The following ROR2 variants were observed in gnomAD, a reference collection of about 807,000 sequenced individuals.
The protein encoded by ROR2 is ROR family WNT receptor 2, also known as tyrosine-protein kinase transmembrane receptor ROR2.
In ROR2, 33 loss-of-function variants were observed where a neutral mutation model predicts 74.9. The observed-to-expected ratio is 0.44, with a 90% confidence interval of 0.33 to 0.59. The LOEUF (loss-of-function observed/expected upper bound fraction) is 0.59. Ranked by LOEUF, ROR2 falls within the 20% of genes least tolerant of loss-of-function variation. The pLI is 0.02. For synonymous variants in ROR2, 586 were observed against 558.7 expected (o/e 1.05, Z -0.69); for missense variants, 1,216 against 1,313.8 (o/e 0.93, Z 1.15).
chr9:91,748,261 A>G (rs1825492752), intron 4 of ROR2, among the ~76,000 whole-genome samples: 1 of 151,352 alleles, frequency 6.6e-6, no homozygotes, highest in Non-Finnish European at 1.5e-5. Flanking sequence ...TGGGCGAAAA[A>G]GCGAGACGCT....
chr9:91,806,825 G>A (rs529789208), intron 1 of ROR2, among the ~76,000 whole-genome samples: 1 of 152,298 alleles, frequency 6.6e-6, no homozygotes, highest in South Asian at 2.1e-4. Flanking sequence ...TCCTGACCTT[G>A]TGATCCGCCC....
intron 1 of ROR2, among the ~76,000 whole-genome samples, chr9:91,857,083 C>T (rs925784156): frequency 6.6e-6 from 1 of 152,248 alleles, no homozygotes; most frequent in Non-Finnish European, 1.5e-5. Flanking sequence ...CCCATGCACA[C>T]TTATGTGCAG....
chr9:91,934,014 T>G (rs1041575929), intron 1 of ROR2, among the ~76,000 whole-genome samples: 1 of 152,250 alleles, frequency 6.6e-6, no homozygotes, highest in Non-Finnish European at 1.5e-5. Context: ...TACCAGAATT[T>G]TTAAAAATAA....
chr9:91,824,942 G>A (rs536672787), intron 1 of ROR2, among the ~76,000 whole-genome samples: 17 of 152,332 alleles, frequency 1.1e-4, no homozygotes, highest in African/African-American at 3.8e-4. Flanking sequence ...GGGCACCCCC[G>A]GCCCGCTGGC....
At chr9:91,896,471 C>T (rs913072721) in intron 1 of ROR2, among the ~76,000 whole-genome samples, 1 of 152,212 alleles carries the variant, frequency 6.6e-6, no homozygotes, top group African/African-American at 2.4e-5. Flanking sequence ...GGAAAGATCT[C>T]ACCATATCCG....
intron 1 of ROR2, among the ~76,000 whole-genome samples, chr9:91,891,535 C>T (rs1210636005): frequency 2.0e-5 from 3 of 152,284 alleles, no homozygotes; most frequent in East Asian, 1.9e-4. Flanking sequence ...TCCCAAAGTG[C>T]GGGGATTACA....
intron 1 of ROR2, among the ~76,000 whole-genome samples, chr9:91,819,305 G>A (rs922478961): frequency 1.3e-5 from 2 of 152,240 alleles, no homozygotes; most frequent in African/African-American, 4.8e-5. Flanking sequence ...TCGCTGCACA[G>A]AGAGGGTCCT....
intron 1 of ROR2, among the ~76,000 whole-genome samples, chr9:91,828,074 C>A (rs183271099): frequency 1.6e-4 from 25 of 152,374 alleles, no homozygotes; most frequent in Non-Finnish European, 2.6e-4. Context: ...AAAAGTCCCA[C>A]TGGGGTTATT....
At chr9:91,792,456 C>G (rs1281245541) in intron 1 of ROR2, among the ~76,000 whole-genome samples, 1 of 152,128 alleles carries the variant, frequency 6.6e-6, no homozygotes, top group East Asian at 1.9e-4. Context: ...CTACAGGCGC[C>G]CGCCACCACG....
At chr9:91,824,199 AG>A (rs1361268543) in intron 1 of ROR2, among the ~76,000 whole-genome samples, 2 of 152,264 alleles carry the variant, frequency 1.3e-5, no homozygotes, top group Non-Finnish European at 1.5e-5. Flanking sequence ...TTACAGATAA[AG>A]GATGGGCCTC....
At chr9:91,736,679 G>GGCCTTTCCCCTAAGAAGGACCCC (rs1825036958) in intron 5 of ROR2, among the ~76,000 whole-genome samples, 1 of 152,184 alleles carries the variant, frequency 6.6e-6, no homozygotes, top group South Asian at 2.1e-4. Flanking sequence ...TCCTTTCCAA[G>GGCCTTTCCCCTAAGAAGGACCCC]GCCTTTCCCC....
intron 4 of ROR2, among the ~76,000 whole-genome samples, chr9:91,740,010 A>C (rs903609656): frequency 4.6e-5 from 7 of 152,194 alleles, no homozygotes; most frequent in Admixed American, 1.3e-4. Context: ...AAGCTATGAG[A>C]TTCAGATCAG....
chr9:91,834,270 G>C (rs527929602), intron 1 of ROR2, among the ~76,000 whole-genome samples: 34 of 152,162 alleles, frequency 2.2e-4, no homozygotes, highest in Non-Finnish European at 4.7e-4. Flanking sequence ...AGCCCCAGCT[G>C]TGTTTCATCT....
At chr9:91,773,729 C>A (rs78007603) in intron 2 of ROR2, among the ~76,000 whole-genome samples, 3 of 152,214 alleles carry the variant, frequency 2.0e-5, no homozygotes, top group Non-Finnish European at 4.4e-5. Context: ...ATCTCCCCTG[C>A]GGTACCACCA....
intron 5 of ROR2, among the ~76,000 whole-genome samples, chr9:91,736,776 A>C (rs919749684): frequency 2.0e-5 from 3 of 152,160 alleles, no homozygotes; most frequent in Non-Finnish European, 4.4e-5. Flanking sequence ...TCCTAATGAG[A>C]CCAAGGATGA....
intron 1 of ROR2, among the ~76,000 whole-genome samples, chr9:91,875,381 T>C (rs1829927450): frequency 6.6e-6 from 1 of 152,256 alleles, no homozygotes; most frequent in East Asian, 1.9e-4. Flanking sequence ...TTGAAAAGAA[T>C]GTCCCAGTGC....
At chr9:91,825,091 T>TA (rs1828244423) in intron 1 of ROR2, among the ~76,000 whole-genome samples, 1 of 152,190 alleles carries the variant, frequency 6.6e-6, no homozygotes. Context: ...CTTTCAGACA[T>TA]GGGGGCCAAC....
intron 1 of ROR2, among the ~76,000 whole-genome samples, chr9:91,945,427 C>T (rs927219999): frequency 1.3e-5 from 2 of 152,170 alleles, no homozygotes; most frequent in Non-Finnish European, 2.9e-5. Flanking sequence ...AACCCTCCCC[C>T]ACTCCAGGAG....
chr9:91,807,815 G>A (rs1034933988), intron 1 of ROR2, among the ~76,000 whole-genome samples: 9 of 152,078 alleles, frequency 5.9e-5, no homozygotes, highest in African/African-American at 1.7e-4. Context: ...TTCCAGAACA[G>A]GCCTGTTGGG....
Sources: allele counts gnomAD v4.1 joint callset (sites outside exome capture counted in the v4.1 genomes callset), GRCh38; gene constraint gnomAD v4.1.1; transcripts MANE v1.5; gene names NCBI Gene and HGNC (gene_info 2026-07-23, HGNC 2026-07-21).